Variants in KIF2A observed in about 807,000 individuals in gnomAD.
KIF2A encodes kinesin family member 2A.
KIF2A carries 22 observed loss-of-function variants against 100.2 expected under a neutral mutation model. The observed-to-expected ratio is 0.22, with a 90% confidence interval of 0.16 to 0.31. The LOEUF (loss-of-function observed/expected upper bound fraction) is 0.31, where lower values mean the gene tolerates loss of function less well. Among genes scored for constraint, KIF2A ranks in the 10% least tolerant of loss-of-function variants. The pLI, the probability that KIF2A is intolerant of heterozygous loss-of-function variation, is 1.00. For synonymous variants in KIF2A, 268 were observed against 285.9 expected (o/e 0.94, Z 0.63); for missense variants, 495 against 898.7 (o/e 0.55, Z 5.74).
intron 1 of KIF2A, among the ~76,000 whole-genome samples, chr5:62,334,549 A>T (rs1364462501): frequency 1.0e-5 from 1 of 98,388 alleles, no homozygotes; most frequent in Non-Finnish European, 1.9e-5. Context: ...TCCTTCTCCT[A>T]CTCCTCCTCT....
intron 20 of KIF2A, among the ~76,000 whole-genome samples, chr5:62,384,251 A>T (rs1561284745): frequency 6.6e-6 from 1 of 152,234 alleles, no homozygotes; most frequent in Non-Finnish European, 1.5e-5. Context: ...TCCATCTCAA[A>T]AAAAACAGAA....
At chr5:62,334,832 G>A (rs76854047) in intron 1 of KIF2A, among the ~76,000 whole-genome samples, 3,829 of 152,198 alleles carry the variant, frequency 0.025, 73 homozygotes, top group Non-Finnish European at 0.037. Flanking sequence ...GCCCTCTCAG[G>A]CCTGCTCAGC....
In KIF2A at chr5:62,365,328, T is replaced by A; in HGVS notation, c.1553T>A (p.Ile518Lys). Residue 518 changes from isoleucine to lysine, a missense_variant, in exon 15 of 21, where the codon ATA (isoleucine) becomes AAA (lysine). Around this residue, in one of 10 missense-constraint regions of KIF2A, gnomAD observed 100 missense variants for 138.2 expected, o/e 0.72. Coordinates refer to ENST00000407818, the MANE Select transcript of KIF2A (RefSeq NM_001098511.3). ...ACTCAGGTGTTAAGAGATTCTTTCA[T>A]AGGTGAAAACTCTCGTACCTGCATG... ...KLTQVLRDSF[I>K]GENSRTCMIA... The A allele has an allele frequency of 6.3e-7, 1 of 1,597,902 alleles. No homozygotes were observed. Among genetic ancestry groups the A allele is most frequent in the Non-Finnish European group, 8.6e-7 (1 of 1,168,172 alleles).
chr5:62,327,005 A>G (rs1460894562), intron 1 of KIF2A, among the ~76,000 whole-genome samples: 1 of 152,184 alleles, frequency 6.6e-6, no homozygotes, highest in Non-Finnish European at 1.5e-5. Context: ...TCTTTGAGGC[A>G]TTGCTCCTGT....
At chr5:62,310,157 G>A (rs768776978) in intron 1 of KIF2A, among the ~76,000 whole-genome samples, 6 of 150,436 alleles carry the variant, frequency 4.0e-5, no homozygotes, top group Non-Finnish European at 5.9e-5. Context: ...AGGTTCAAGC[G>A]ATTCTTATGC....
chr5:62,312,021 G>A (rs1165110561), intron 1 of KIF2A: 1 of 152,216 alleles, frequency 6.6e-6, no homozygotes, highest in Non-Finnish European at 1.5e-5. Flanking sequence ...CTCTCTAAGT[G>A]CTGCTGACAG....
intron 1 of KIF2A, among the ~76,000 whole-genome samples, chr5:62,339,255 C>CA (rs1257489269): frequency 6.6e-6 from 1 of 151,836 alleles, no homozygotes; most frequent in African/African-American, 2.4e-5. Flanking sequence ...GAACAGAACT[C>CA]ACTGTCATGA....
intron 1 of KIF2A, among the ~76,000 whole-genome samples, chr5:62,316,869 A>G (rs1745840804): frequency 6.6e-6 from 1 of 152,202 alleles, no homozygotes; most frequent in South Asian, 2.1e-4. Context: ...GAAATAATGG[A>G]CCAATTAATG....
chr5:62,383,306 G>A (rs1298327565), intron 20 of KIF2A, among the ~76,000 whole-genome samples: 1 of 122,372 alleles, frequency 8.2e-6, no homozygotes, highest in African/African-American at 3.2e-5. Context: ...GCAGTGGAGC[G>A]ATCTTGGCTC....
chr5:62,352,708 C>A lies in KIF2A; in HGVS notation c.455C>A (p.Pro152His). Reference sequence around the variant, plus strand: ...GCTGCAAAAAAGGAATTTGGACCCCCTTGTATGTAAATTATGTATCAAGGA... The same window carrying A: ...GCTGCAAAAAAGGAATTTGGACCCCATTGTATGTAAATTATGTATCAAGGA... ...VQAAKKEFGP[P>H]SRRKSNCVKE... The change falls in exon 5 of 21, where the codon CCT (proline) becomes CAT (histidine). Residue 152 changes from proline (P) to histidine (H), a missense_variant and splice_region_variant. By Grantham distance (77) the Pro-to-His change is moderately conservative. Coordinates refer to ENST00000407818, the MANE Select transcript of KIF2A (RefSeq NM_001098511.3). 6.2e-7 allele frequency: 1 copy of A among 1,609,684 alleles called. No homozygotes were observed. Among genetic ancestry groups the A allele is most frequent in the Non-Finnish European group, 8.5e-7 (1 of 1,177,702 alleles).
At chr5:62,336,360 G>A (rs1746946138) in intron 1 of KIF2A, among the ~76,000 whole-genome samples, 1 of 152,170 alleles carries the variant, frequency 6.6e-6, no homozygotes, top group Non-Finnish European at 1.5e-5. Context: ...TTCCATCAAG[G>A]AAGGCAGCCC....
chr5:62,359,829 T>TA (rs966981480), intron 9 of KIF2A, among the ~76,000 whole-genome samples: 26 of 152,068 alleles, frequency 1.7e-4, no homozygotes, highest in Admixed American at 6.6e-5. Flanking sequence ...GGTTGGGAGG[T>TA]AGGGGTTTGA....
chr5:62,352,065 A>T (rs1344933820), intron 4 of KIF2A, among the ~76,000 whole-genome samples: 4 of 151,326 alleles, frequency 2.6e-5, no homozygotes, highest in Non-Finnish European at 5.9e-5. Flanking sequence ...GAGGCAGGAG[A>T]TCACTTGAAC....
In KIF2A at chr5:62,389,479, C is replaced by CT. The variant is rs1178331344; in HGVS notation, c.*3911dup. On this transcript the variant is annotated 3_prime_UTR_variant, in exon 21 of 21. Transcript: ENST00000407818. ...CCAGCCTGGGTGACAGAGCAAGACTCTGTCTCAAAAAAAAAAAAAAAAGAA... is the reference window on the plus strand; with the variant it reads ...CCAGCCTGGGTGACAGAGCAAGACTCTTGTCTCAAAAAAAAAAAAAAAAGAA... Among the ~76,000 whole-genome samples, 5 of 41,438 alleles carry CT rather than the reference C, an allele frequency of 1.2e-4. No individual in the cohort carries two copies. The highest frequency in any genetic ancestry group is 7.3e-4 in the African/African-American group (4 of 5,482). 27.2% of individuals were successfully genotyped at this position (41,438 alleles called of 152,430 possible). A position where few individuals can be genotyped will look rare whatever the true frequency, so the allele number is the denominator to read the frequency against.
Position 62,381,257 on chromosome 5 carries a change from A to G in KIF2A, c.2149+4A>G. The G allele has an allele frequency of 1.9e-6, 3 of 1,611,444 alleles. No homozygotes were observed. Among genetic ancestry groups the G allele is most frequent in the Non-Finnish European group, 2.5e-6 (3 of 1,178,014 alleles). Reference sequence around the variant, plus strand: ...GACATTTTAACTGAACTGCGGGGTAATTCTTTTTCCATTTTAATGTTTGAA... The same window carrying G: ...GACATTTTAACTGAACTGCGGGGTAGTTCTTTTTCCATTTTAATGTTTGAA... On this transcript the variant is annotated splice_donor_region_variant and intron_variant, in intron 20 of 20. Transcript: ENST00000407818.
chr5:62,346,396 T>TA (rs1437831324), intron 1 of KIF2A, among the ~76,000 whole-genome samples: 1 of 152,188 alleles, frequency 6.6e-6, no homozygotes, highest in Non-Finnish European at 1.5e-5. Context: ...TCGTATATGG[T>TA]AAAAAGTGGT....
rs1745265831 is a variant in KIF2A, at chr5:62,306,358, G to C, written c.-115G>C. 7.3e-6 allele frequency: 6 copies of C among 826,936 alleles called. No individual in the cohort carries two copies. Among genetic ancestry groups the C allele is most frequent in the South Asian group, 4.9e-5 (3 of 60,776 alleles). The allele number at this position is 826,936 out of a possible 1,614,324, so 51.2% of individuals were successfully genotyped here. On this transcript the variant is annotated 5_prime_UTR_variant, in exon 1 of 21. Coordinates refer to ENST00000407818, the MANE Select transcript of KIF2A (RefSeq NM_001098511.3). Reference sequence around the variant, plus strand: ...CGCTTGCGTTCACGCTGTCGCCCGGGCCGGCGCGGCCGCGGGCAACCGCTC... The same window carrying C: ...CGCTTGCGTTCACGCTGTCGCCCGGCCCGGCGCGGCCGCGGGCAACCGCTC...
intron 1 of KIF2A, among the ~76,000 whole-genome samples, chr5:62,309,310 T>C (rs1477885340): frequency 6.6e-6 from 1 of 152,190 alleles, no homozygotes; most frequent in African/African-American, 2.4e-5. Flanking sequence ...TATAAGAAAT[T>C]AGGGAAGTCA....
chr5:62,362,757 G>A (rs1032848648), intron 12 of KIF2A, among the ~76,000 whole-genome samples: 2 of 152,036 alleles, frequency 1.3e-5, no homozygotes, highest in African/African-American at 4.8e-5. Flanking sequence ...CTTCAGTGTT[G>A]AGAATTCTTA....
Sources: allele counts gnomAD v4.1 joint callset (sites outside exome capture counted in the v4.1 genomes callset), GRCh38; gene constraint gnomAD v4.1.1; regional missense constraint gnomAD v4.1.1; transcripts MANE v1.5; gene names NCBI Gene and HGNC (gene_info 2026-07-23, HGNC 2026-07-21).